Variants in ZNF141 observed in about 807,000 individuals in gnomAD.
The protein encoded by ZNF141 is zinc finger protein 141.
In ZNF141, 7 loss-of-function variants were observed where a neutral mutation model predicts 11.3. That is an observed-to-expected ratio of 0.62 (90% CI 0.35 to 1.16). ZNF141 has a LOEUF of 1.16. Among genes scored for constraint, ZNF141 ranks in the 50% most tolerant of loss-of-function variants. The pLI is 0.02. For missense variants in ZNF141, 535 were observed against 554.0 expected, an observed-to-expected ratio of 0.97 and a Z score of 0.34; for synonymous variants, 183 against 190.7, an observed-to-expected ratio of 0.96 and a Z score of 0.33.
chr4:383,288 AT>A lies in ZNF141; in HGVS notation c.*9429del. 1.6e-6 allele frequency: 1 copy of A among 621,018 alleles called. No individual in the cohort carries two copies. The highest frequency in any genetic ancestry group is 2.9e-6 in the Non-Finnish European group (1 of 350,750). 38.5% of individuals were successfully genotyped at this position (621,018 alleles called of 1,614,324 possible). A position where few individuals can be genotyped will look rare whatever the true frequency, so the allele number is the denominator to read the frequency against. On this transcript the variant is annotated 3_prime_UTR_variant, in exon 4 of 4. Transcript: ENST00000240499. ...AATGGCCCGGCTGAGCCCAGCCTAA[AT>A]TTCTAACCAGCTCAATCCTGAGCTA...
In ZNF141 at chr4:384,783, A is replaced by T. The variant is rs1202891690; in HGVS notation, c.*10921A>T. ...TTGCCACATAAAAGACCCAGAACTC[A>T]GCCCCATTTCTGGCAACCTGCTTTC... On this transcript the variant is annotated 3_prime_UTR_variant, in exon 4 of 4. Coordinates refer to ENST00000240499, the MANE Select transcript of ZNF141 (RefSeq NM_003441.4). The T allele has an allele frequency of 6.6e-6, 1 of 152,270 alleles. No homozygotes were observed. Among genetic ancestry groups the T allele is most frequent in the Non-Finnish European group, 1.5e-5 (1 of 68,082 alleles). The allele number at this position is 152,270 out of a possible 1,614,324, so 9.4% of individuals were successfully genotyped here.
intron 3 of ZNF141, among the ~76,000 whole-genome samples, chr4:371,274 C>T (rs1712045778): frequency 6.6e-6 from 1 of 150,882 alleles, no homozygotes; most frequent in Non-Finnish European, 1.5e-5. Flanking sequence ...TTCTGTCACC[C>T]AGGCTGGAGT....
At chr4:356,995 C>A (rs996481292) in intron 3 of ZNF141, among the ~76,000 whole-genome samples, 3 of 151,976 alleles carry the variant, frequency 2.0e-5, no homozygotes, top group African/African-American at 7.3e-5. Flanking sequence ...TACTTTGTTA[C>A]TCAGGCTATA....
chr4:346,044 T>TA (rs1553849456), intron 3 of ZNF141, among the ~76,000 whole-genome samples: 2 of 152,228 alleles, frequency 1.3e-5, no homozygotes, highest in East Asian at 1.9e-4. Flanking sequence ...TGTAGCTATA[T>TA]AAAAATGTGT....
chr4:345,848 C>T lies in ZNF141; in HGVS notation c.226+1418C>T, dbSNP rs375960994. Among the ~76,000 whole-genome samples, 50 of 151,896 alleles carry T rather than the reference C, an allele frequency of 3.3e-4. 2 individuals are homozygous for T. In the South Asian group the frequency reaches 9.3e-3, roughly 28 times the overall value. ...GGAAACCACTGGATTAAAGTATCTA[C>T]TCACCTTCTATATTTCTTAAATGCA... On this transcript the variant is annotated intron_variant, in intron 3 of 3. Transcript: ENST00000240499.
Position 379,242 on chromosome 4 carries a change from T to C in ZNF141, c.*5380T>C, listed in dbSNP as rs945126178. ...GCCCTTTTAGTGTCTTACATATGTATGATTACCATCAGCACTAGAAATTCC... is the reference window on the plus strand; with the variant it reads ...GCCCTTTTAGTGTCTTACATATGTACGATTACCATCAGCACTAGAAATTCC... On this transcript the variant is annotated 3_prime_UTR_variant, in exon 4 of 4. Coordinates refer to ENST00000240499, the MANE Select transcript of ZNF141 (RefSeq NM_003441.4). 6.6e-6 allele frequency among the ~76,000 whole-genome samples: 1 copy of C among 152,232 alleles called. No homozygotes were observed. Among genetic ancestry groups the C allele is most frequent in the Admixed American group, 6.5e-5 (1 of 15,286 alleles).
chr4:347,103 T>C (rs1721366669), intron 3 of ZNF141, among the ~76,000 whole-genome samples: 1 of 150,910 alleles, frequency 6.6e-6, no homozygotes, highest in African/African-American at 2.4e-5. Flanking sequence ...AGTGGCACGC[T>C]GTTGGCTCAC....
At chr4:353,154 C>CTT (rs1721683167) in intron 3 of ZNF141, among the ~76,000 whole-genome samples, 1 of 152,144 alleles carries the variant, frequency 6.6e-6, no homozygotes, top group African/African-American at 2.4e-5. Context: ...GTGCAGATGG[C>CTT]TTGAGGTCAG....
At position 375,494 on chromosome 4, in the gene ZNF141, AAG is replaced by A; in HGVS notation, c.*1634_*1635del. 6.6e-6 allele frequency among the ~76,000 whole-genome samples: 1 copy of A among 152,188 alleles called. No individual in the cohort carries two copies. The highest frequency in any genetic ancestry group is 1.9e-4 in the East Asian group (1 of 5,192). ...AATGTGAAGAAATATTTAGTCTAAA[AAG>A]AAGAGTATGTAAACATCAGAGGATT... is the stretch of plus-strand genomic sequence containing the variant. On this transcript the variant is annotated 3_prime_UTR_variant, in exon 4 of 4. Coordinates refer to ENST00000240499, the MANE Select transcript of ZNF141 (RefSeq NM_003441.4).
chr4:345,276 C>A lies in ZNF141; in HGVS notation c.226+846C>A, dbSNP rs564017580. On this transcript the variant is annotated intron_variant, in intron 3 of 3. Coordinates refer to ENST00000240499, the MANE Select transcript of ZNF141 (RefSeq NM_003441.4). ...TTCTTACTTAGCAATTTTATCAGAA[C>A]AATAAGCATTTCCTAAATATGAAAA... Among the ~76,000 whole-genome samples, 6 of 152,166 alleles carry A rather than the reference C, an allele frequency of 3.9e-5. No individual in the cohort carries two copies. In the East Asian group the frequency reaches 5.8e-4, roughly 15 times the overall value.
chr4:379,057 C>T lies in ZNF141; in HGVS notation c.*5195C>T, dbSNP rs1363927687. On this transcript the variant is annotated 3_prime_UTR_variant, in exon 4 of 4. Transcript: ENST00000240499. ...ATGAGGTTTCACTCTGTTGGCCAGG[C>T]TGGTCTCGAGCTCCTGTCCTCGTGA... is the stretch of plus-strand genomic sequence containing the variant. 6.6e-6 allele frequency among the ~76,000 whole-genome samples: 1 copy of T among 151,870 alleles called. No homozygotes were observed. Among genetic ancestry groups the T allele is most frequent in the Non-Finnish European group, 1.5e-5 (1 of 67,986 alleles).
At position 383,594 on chromosome 4, in the gene ZNF141, A is replaced by G. The variant is rs1712759547; in HGVS notation, c.*9732A>G. ...ACCAAGGTCTGGGAGCAGGGAACCT[A>G]AAGCCAGTTAACGTGAACTTCCTAC... On this transcript the variant is annotated 3_prime_UTR_variant, in exon 4 of 4. Coordinates refer to ENST00000240499, the MANE Select transcript of ZNF141 (RefSeq NM_003441.4). 6.4e-6 allele frequency: 1 copy of G among 157,372 alleles called. No homozygotes were observed. 9.7% of individuals were successfully genotyped at this position (157,372 alleles called of 1,614,324 possible). A position where few individuals can be genotyped will look rare whatever the true frequency, so the allele number is the denominator to read the frequency against.
rs1298562315 is a variant in ZNF141, at chr4:381,113, AACTC to A, written c.*7254_*7257del. ...ATGTAATTAAATATTATTTACTACA[AACTC>A]ACATAGTACATTATGACTTTATTAC... On this transcript the variant is annotated 3_prime_UTR_variant, in exon 4 of 4. Coordinates refer to ENST00000240499, the MANE Select transcript of ZNF141 (RefSeq NM_003441.4). 6.6e-6 allele frequency among the ~76,000 whole-genome samples: 1 copy of A among 152,206 alleles called. No homozygotes were observed. Among genetic ancestry groups the A allele is most frequent in the Non-Finnish European group, 1.5e-5 (1 of 68,044 alleles).
Position 376,550 on chromosome 4 carries a change from A to C in ZNF141, c.*2688A>C, listed in dbSNP as rs1002473539. Among the ~76,000 whole-genome samples the C allele has an allele frequency of 5.3e-5, 8 of 152,090 alleles. No homozygotes were observed. Among genetic ancestry groups the C allele is most frequent in the Non-Finnish European group, 1.2e-4 (8 of 67,924 alleles). On this transcript the variant is annotated 3_prime_UTR_variant, in exon 4 of 4. Transcript: ENST00000240499. ...ATAATTCATACATTTATGCATCCTG[A>C]ATACTTCTAAAAAATGTTTTACATT...
intron 3 of ZNF141, among the ~76,000 whole-genome samples, chr4:359,332 G>A (rs1038428714): frequency 6.6e-6 from 1 of 152,174 alleles, no homozygotes; most frequent in Non-Finnish European, 1.5e-5. Flanking sequence ...TGCAAATGGA[G>A]ATGCTGATAC....
chr4:370,031 C>T (rs1257035202), intron 3 of ZNF141, among the ~76,000 whole-genome samples: 1 of 151,622 alleles, frequency 6.6e-6, no homozygotes, highest in African/African-American at 2.4e-5. Context: ...GCTCAAAGTG[C>T]TGGGATCACA....
intron 3 of ZNF141, among the ~76,000 whole-genome samples, chr4:353,474 T>A (rs1165256949): frequency 1.3e-5 from 2 of 150,534 alleles, no homozygotes; most frequent in African/African-American, 4.9e-5. Context: ...TTATTTTTTT[T>A]TTTTTGGAGA....
At chr4:354,668 A>T (rs1553850988) in intron 3 of ZNF141, among the ~76,000 whole-genome samples, 3 of 152,096 alleles carry the variant, frequency 2.0e-5, no homozygotes, top group Admixed American at 2.0e-4. Flanking sequence ...TGAGATTTTT[A>T]AAATATAAAA....
rs1560203096 is a variant in ZNF141 at position 378,730 on chromosome 4, A to T, written c.*4868A>T. On this transcript the variant is annotated 3_prime_UTR_variant, in exon 4 of 4. Transcript: ENST00000240499. ...TTAGTGGATGCATTTCATGGGCTAC[A>T]GTTTTCATTTTTACTCACCTAACTT... is the stretch of plus-strand genomic sequence containing the variant. 6.6e-6 allele frequency among the ~76,000 whole-genome samples: 1 copy of T among 151,448 alleles called. No individual in the cohort carries two copies.
Sources: gnomAD v4.1 joint callset for allele counts (sites outside exome capture counted in the v4.1 genomes callset) on GRCh38, gnomAD v4.1.1 for gene constraint, MANE v1.5 for transcripts, NCBI Gene and HGNC (gene_info 2026-07-23, HGNC 2026-07-21) for gene names.